PREX2: variants seen among roughly 807,000 people sequenced by gnomAD.
PREX2 encodes the protein phosphatidylinositol-3,4,5-trisphosphate dependent Rac exchange factor 2, also known as phosphatidylinositol 3,4,5-trisphosphate-dependent Rac exchanger 2 protein.
In PREX2, 107 loss-of-function variants were observed where a neutral mutation model predicts 203.2. The ratio of observed to expected loss-of-function variants is 0.53; its 90% CI spans 0.45 to 0.62. The LOEUF is 0.62. Among genes scored for constraint, PREX2 ranks in the 20% least tolerant of loss-of-function variants. The pLI is 0.00. For missense variants in PREX2, 1,777 were observed against 1,955.9 expected (o/e 0.91, Z 1.72); for synonymous variants, 672 against 663.6 (o/e 1.01, Z -0.19).
chr8:68,058,090 C>G (rs1431965459), intron 10 of PREX2, among the ~76,000 whole-genome samples: 2 of 152,226 alleles, frequency 1.3e-5, no homozygotes, highest in African/African-American at 4.8e-5. Flanking sequence ...GAGATCATTT[C>G]TGAGTGGATC....
chr8:68,054,685 C>A (rs1428417120), intron 9 of PREX2, among the ~76,000 whole-genome samples: 2 of 152,192 alleles, frequency 1.3e-5, no homozygotes, highest in Non-Finnish European at 2.9e-5. Context: ...TCTATTCCAT[C>A]AGATTAACTC....
chr8:68,064,442 C>T (rs1208039976), intron 11 of PREX2, among the ~76,000 whole-genome samples: 1 of 152,116 alleles, frequency 6.6e-6, no homozygotes, highest in Non-Finnish European at 1.5e-5. Flanking sequence ...GATCATGGCT[C>T]ACTGTAGCTT....
chr8:67,991,029 G>A (rs1193976510), intron 1 of PREX2, among the ~76,000 whole-genome samples: 2 of 152,126 alleles, frequency 1.3e-5, no homozygotes, highest in African/African-American at 4.8e-5. Context: ...GCCATGGAGG[G>A]ATTCTCAGCT....
At chr8:68,201,304 G>T (rs913828152) in intron 37 of PREX2, among the ~76,000 whole-genome samples, 2 of 152,130 alleles carry the variant, frequency 1.3e-5, no homozygotes, top group African/African-American at 4.8e-5. Context: ...AGAGCAGGTA[G>T]TATGGAGGGT....
At chr8:68,229,272 C>T (rs1194529591) in intron 39 of PREX2, among the ~76,000 whole-genome samples, 1 of 152,216 alleles carries the variant, frequency 6.6e-6, no homozygotes, top group East Asian at 1.9e-4. Context: ...AGGCCAAAAC[C>T]AAACCTTTTT....
intron 4 of PREX2, among the ~76,000 whole-genome samples, chr8:68,025,992 T>C (rs975416175): frequency 2.0e-5 from 3 of 152,100 alleles, no homozygotes; most frequent in East Asian, 3.9e-4. Flanking sequence ...AATGGAAATA[T>C]CACTGGAAAT....
intron 5 of PREX2, among the ~76,000 whole-genome samples, chr8:68,028,149 TATG>T (rs912209058): frequency 3.3e-5 from 5 of 151,952 alleles, no homozygotes; most frequent in Non-Finnish European, 7.4e-5. Flanking sequence ...AGATGATGAT[TATG>T]ATGATGATGA....
intron 33 of PREX2, among the ~76,000 whole-genome samples, chr8:68,144,816 T>A (rs1189337374): frequency 6.6e-6 from 1 of 152,138 alleles, no homozygotes; most frequent in African/African-American, 2.4e-5. Context: ...ACTTTATAAT[T>A]TTCATTAAGT....
intron 8 of PREX2, among the ~76,000 whole-genome samples, chr8:68,046,233 G>A (rs1305056534): frequency 6.6e-6 from 1 of 151,954 alleles, no homozygotes; most frequent in Non-Finnish European, 1.5e-5. Flanking sequence ...TCCCCGTGAT[G>A]TCAGTGCCAC....
chr8:68,055,455 G>A (rs531464862), intron 9 of PREX2, among the ~76,000 whole-genome samples: 216 of 101,992 alleles, frequency 2.1e-3, no homozygotes, highest in African/African-American at 0.012. Flanking sequence ...CTATTATATT[G>A]CATTATTTTT....
At chr8:68,190,759 G>T (rs892365848) in intron 35 of PREX2, among the ~76,000 whole-genome samples, 3 of 151,474 alleles carry the variant, frequency 2.0e-5, no homozygotes, top group African/African-American at 7.3e-5. Context: ...TAAATTAAAA[G>T]AATGGTTAAA....
chr8:67,997,354 C>A (rs1449399594), intron 1 of PREX2, among the ~76,000 whole-genome samples: 1 of 152,124 alleles, frequency 6.6e-6, no homozygotes, highest in South Asian at 2.1e-4. Flanking sequence ...CTGTTTCCCC[C>A]TGTCCCTGTG....
At chr8:68,000,957 G>C (rs1319396655) in intron 1 of PREX2, among the ~76,000 whole-genome samples, 1 of 152,182 alleles carries the variant, frequency 6.6e-6, no homozygotes, top group African/African-American at 2.4e-5. Context: ...ACTCAAGATA[G>C]ATAAAAGGCT....
intron 1 of PREX2, among the ~76,000 whole-genome samples, chr8:67,983,178 C>G (rs1295236763): frequency 2.6e-5 from 4 of 152,136 alleles, no homozygotes; most frequent in Non-Finnish European, 5.9e-5. Context: ...CAAAAGCCAA[C>G]ATTACTGTGA....
rs181775592 is a variant in PREX2, at chr8:68,084,369, G to A, written c.2027+981G>A. Among the ~76,000 whole-genome samples, 295 of 152,084 alleles carry A rather than the reference G, an allele frequency of 1.9e-3. 1 individual carries two copies. The South Asian group carries it at 0.021, about 11-fold the overall frequency. On this transcript the variant is annotated intron_variant, in intron 18 of 39. Transcript: ENST00000288368. ...TTTAAATTTTAACTACCTATTAAAA[G>A]TACATGCAGTATTCTTCCCTGCCTT... is the stretch of plus-strand genomic sequence containing the variant.
chr8:67,969,561 T>C (rs1805866932), intron 1 of PREX2, among the ~76,000 whole-genome samples: 1 of 152,228 alleles, frequency 6.6e-6, no homozygotes, highest in Non-Finnish European at 1.5e-5. Context: ...ACTTACTTCC[T>C]GAGATGATTA....
chr8:68,022,584 AAT>A (rs1432720146), intron 4 of PREX2, among the ~76,000 whole-genome samples: 48 of 152,306 alleles, frequency 3.2e-4, no homozygotes, highest in African/African-American at 1.0e-3. Context: ...AAACAACAAG[AAT>A]ATGTGTTTAA....
chr8:68,133,813 A>C (rs970644164), intron 31 of PREX2, among the ~76,000 whole-genome samples: 1 of 152,192 alleles, frequency 6.6e-6, no homozygotes, highest in African/African-American at 2.4e-5. Context: ...ATGATTCTAG[A>C]ATAGAGTCAC....
chr8:68,192,488 G>A lies in PREX2; in HGVS notation c.4567G>A (p.Ala1523Thr), dbSNP rs200083700. ...VSSELCNRLG[A>T]CHIIMCSSGV... ...CTCGGAGCTGTGCAACAGGCTGGGC[G>A]CCTGCCACATCATCATGTGCAGCAG... Residue 1523 changes from alanine to threonine, a missense_variant, in exon 37 of 40, where the codon GCC becomes ACC. Physicochemically the swap from Ala to Thr is moderately conservative, Grantham distance 58 (BLOSUM62 0). Transcript: ENST00000288368. 1.1e-5 allele frequency: 18 copies of A among 1,571,704 alleles called. No individual in the cohort carries two copies. In the East Asian group the frequency reaches 2.8e-4, roughly 24 times the overall value.
Sources: allele counts gnomAD v4.1 joint callset (sites outside exome capture counted in the v4.1 genomes callset), GRCh38; gene constraint gnomAD v4.1.1; transcripts MANE v1.5; gene names NCBI Gene and HGNC (gene_info 2026-07-23, HGNC 2026-07-21).